Variants in SPIRE1 observed in about 807,000 individuals in gnomAD.
SPIRE1 encodes the protein protein spire homolog 1.
SPIRE1 carries 40 observed loss-of-function variants against 94.1 expected under a neutral mutation model. The observed-to-expected ratio is 0.43, with a 90% confidence interval of 0.33 to 0.55. The LOEUF (loss-of-function observed/expected upper bound fraction) is 0.55, where lower values mean the gene tolerates loss of function less well. Among genes scored for constraint, SPIRE1 ranks in the 20% least tolerant of loss-of-function variants. The pLI, the probability that SPIRE1 is intolerant of heterozygous loss-of-function variation, is 0.06. For synonymous variants in SPIRE1, 376 were observed against 371.7 expected (o/e 1.01, Z -0.13); for missense variants, 838 against 975.2 (o/e 0.86, Z 1.87).
Position 12,549,439 on chromosome 18 carries a change from G to GTTTTTTTTTTTTTTTTTTT in SPIRE1, c.373-2554_373-2536dup, listed in dbSNP as rs869122444. Reference sequence around the variant, plus strand: ...CTTTTTGTTTGTTTTTGTTATTGTTGTTTTTTTTTTTTTTTTTTTTTTTTT... The same window carrying GTTTTTTTTTTTTTTTTTTT: ...CTTTTTGTTTGTTTTTGTTATTGTTGTTTTTTTTTTTTTTTTTTTTTTTTTTTTTTTTTTTTTTTTTTTT... On this transcript the variant is annotated intron_variant, in intron 2 of 16. Transcript: ENST00000409402. Among the ~76,000 whole-genome samples the GTTTTTTTTTTTTTTTTTTT allele has an allele frequency of 1.9e-3, 78 of 41,262 alleles. 11 individuals carry two copies. The highest frequency in any genetic ancestry group is 2.3e-3 in the Non-Finnish European group (60 of 25,946). The allele number at this position is 41,262 out of a possible 152,430, so 27.1% of individuals were successfully genotyped here. A position where few individuals can be genotyped will look rare whatever the true frequency, so the allele number is the denominator to read the frequency against.
rs2031089191 is a variant in SPIRE1 at position 12,449,077 on chromosome 18, T to C, written c.*561A>G. On this transcript the variant is annotated 3_prime_UTR_variant, in exon 17 of 17. Transcript: ENST00000409402. Reference sequence around the variant, plus strand: ...ACTAGAATGCAGGCAAAAAGTCCCTTATGTAATTTTTATCTCCAAGCAACA... The same window carrying C: ...ACTAGAATGCAGGCAAAAAGTCCCTCATGTAATTTTTATCTCCAAGCAACA... 1 of 153,296 alleles carries C rather than the reference T, an allele frequency of 6.5e-6. No individual in the cohort carries two copies. 9.5% of individuals were successfully genotyped at this position (153,296 alleles called of 1,614,324 possible). A position where few individuals can be genotyped will look rare whatever the true frequency, so the allele number is the denominator to read the frequency against.
At chr18:12,577,801 A>G (rs1249571017) in intron 2 of SPIRE1, among the ~76,000 whole-genome samples, 1 of 152,264 alleles carries the variant, frequency 6.6e-6, no homozygotes, top group Non-Finnish European at 1.5e-5. Context: ...TATTTTACAT[A>G]TATGTGTATT....
intron 2 of SPIRE1, among the ~76,000 whole-genome samples, chr18:12,552,408 A>G (rs1419129120): frequency 1.3e-5 from 2 of 152,122 alleles, no homozygotes; most frequent in East Asian, 3.9e-4. Context: ...AAGAGAGGAG[A>G]GGGAAAAGAG....
chr18:12,632,088 C>T (rs1405117703), intron 2 of SPIRE1, among the ~76,000 whole-genome samples: 13 of 151,766 alleles, frequency 8.6e-5, no homozygotes. Flanking sequence ...TGCAGTCATT[C>T]TGACAGTCTT....
intron 2 of SPIRE1, among the ~76,000 whole-genome samples, chr18:12,623,990 C>A (rs940948662): frequency 1.3e-5 from 2 of 150,348 alleles, no homozygotes; most frequent in Non-Finnish European, 2.9e-5. Context: ...CTGGAGTGGT[C>A]TCGGCTCACT....
intron 10 of SPIRE1, among the ~76,000 whole-genome samples, chr18:12,472,684 G>A (rs954934311): frequency 4.0e-5 from 6 of 151,018 alleles, no homozygotes; most frequent in African/African-American, 1.5e-4. Context: ...TTTGCGGGGG[G>A]GGACTTGCTC....
intron 2 of SPIRE1, among the ~76,000 whole-genome samples, chr18:12,577,929 T>C (rs928877444): frequency 1.3e-5 from 2 of 152,150 alleles, no homozygotes; most frequent in African/African-American, 4.8e-5. Context: ...AAAGAAGATA[T>C]ACAAATGGCT....
At chr18:12,578,764 GC>G (rs2036177366) in intron 2 of SPIRE1, among the ~76,000 whole-genome samples, 1 of 152,086 alleles carries the variant, frequency 6.6e-6, no homozygotes, top group Non-Finnish European at 1.5e-5. Flanking sequence ...CATTATAGCA[GC>G]CCAAACTGAC....
chr18:12,627,323 G>A (rs2037659550), intron 2 of SPIRE1, among the ~76,000 whole-genome samples: 2 of 151,396 alleles, frequency 1.3e-5, no homozygotes, highest in East Asian at 1.9e-4. Context: ...TTGGTTTTCC[G>A]TCCTTGCAAT....
chr18:12,603,574 A>ATTTTTT, intron 2 of SPIRE1, among the ~76,000 whole-genome samples: 1 of 138,378 alleles, frequency 7.2e-6, no homozygotes. Flanking sequence ...CCAGTAGCCA[A>ATTTTTT]TTTTTTTTTT....
intron 5 of SPIRE1, among the ~76,000 whole-genome samples, chr18:12,509,929 A>T (rs578030437): frequency 6.5e-4 from 99 of 152,176 alleles, no homozygotes; most frequent in African/African-American, 2.2e-3. Context: ...TACTAAAAAT[A>T]CAAAAATTAG....
intron 2 of SPIRE1, among the ~76,000 whole-genome samples, chr18:12,580,481 G>T (rs1281324928): frequency 6.6e-6 from 1 of 152,042 alleles, no homozygotes; most frequent in African/African-American, 2.4e-5. Flanking sequence ...GCACCACCAT[G>T]CCCGGCTAAT....
At chr18:12,623,329 A>AT (rs1323529814) in intron 2 of SPIRE1, among the ~76,000 whole-genome samples, 1 of 151,650 alleles carries the variant, frequency 6.6e-6, no homozygotes, top group Non-Finnish European at 1.5e-5. Context: ...GATTTTTTGT[A>AT]TTTTTAGTAG....
intron 2 of SPIRE1, among the ~76,000 whole-genome samples, chr18:12,561,029 C>A (rs965142086): frequency 1.3e-5 from 2 of 152,114 alleles, no homozygotes; most frequent in South Asian, 4.1e-4. Flanking sequence ...GTGATGGAGA[C>A]CCCATTACCC....
rs199760073 is a variant in SPIRE1 at position 12,508,159 on chromosome 18, TA to T, written c.808-1519del. Among the ~76,000 whole-genome samples the T allele has an allele frequency of 8.8e-5, 13 of 147,578 alleles. No individual in the cohort carries two copies. In the South Asian group the frequency reaches 1.5e-3, roughly 17 times the overall value. ...GATTCCATCTCAAAAAAATAAAAAA[TA>T]AAAAAAAAATAAAGTGACACAATAG... On this transcript the variant is annotated intron_variant, in intron 5 of 16. Coordinates refer to ENST00000409402, the MANE Select transcript of SPIRE1 (RefSeq NM_001128626.2).
In SPIRE1 at chr18:12,546,788, C is replaced by A; in HGVS notation, c.489G>T (p.Thr163=). 6.2e-7 allele frequency: 1 copy of A among 1,614,092 alleles called. No individual in the cohort carries two copies. Among genetic ancestry groups the A allele is most frequent in the Non-Finnish European group, 8.5e-7 (1 of 1,180,014 alleles). The part of the protein sequence containing the change: ...LEQLIDHMAN[T]VEADGSNDEG... ...CATCATTGCTACCGTCAGCTTCCAC[C>A]GTGTTGGCCATGTGATCGATAAGCT... is the stretch of plus-strand genomic sequence containing the variant. Residue 163 remains threonine (T), a synonymous_variant, in exon 3 of 17, where the codon ACG becomes ACT. Coordinates refer to ENST00000409402, the MANE Select transcript of SPIRE1 (RefSeq NM_001128626.2).
At chr18:12,644,249 A>G (rs1035520411) in intron 1 of SPIRE1, among the ~76,000 whole-genome samples, 1 of 151,212 alleles carries the variant, frequency 6.6e-6, no homozygotes, top group Admixed American at 6.6e-5. Context: ...TCATTAATTT[A>G]AGGAACTTAA....
At chr18:12,467,904 A>G (rs2143650864) in intron 10 of SPIRE1, among the ~76,000 whole-genome samples, 1 of 152,192 alleles carries the variant, frequency 6.6e-6, no homozygotes, top group East Asian at 1.9e-4. Flanking sequence ...AGCTGAGATC[A>G]TGCCACTGCA....
Position 12,506,820 on chromosome 18 carries a change from C to T in SPIRE1, c.808-179G>A, listed in dbSNP as rs117228181. ...GATGGGTGGAAAGCAAGTAGAGAAT[C>T]CACAGGCTCTACCTGCTGAGGCACA... is the stretch of plus-strand genomic sequence containing the variant. On this transcript the variant is annotated intron_variant, in intron 5 of 16. Coordinates refer to ENST00000409402, the MANE Select transcript of SPIRE1 (RefSeq NM_001128626.2). 6.0e-3 allele frequency among the ~76,000 whole-genome samples: 910 copies of T among 152,276 alleles called. 4 individuals are homozygous for T. The highest frequency in any genetic ancestry group is 8.3e-3 in the Non-Finnish European group (565 of 68,024).
Sources: gnomAD v4.1 joint callset for allele counts (sites outside exome capture counted in the v4.1 genomes callset) on GRCh38, gnomAD v4.1.1 for gene constraint, MANE v1.5 for transcripts, NCBI Gene and HGNC (gene_info 2026-07-23, HGNC 2026-07-21) for gene names.